The following RABGAP1L variants were observed in gnomAD, a reference collection of about 807,000 sequenced individuals.
RABGAP1L encodes rab GTPase-activating protein 1-like.
In RABGAP1L, 63 loss-of-function variants were observed where a neutral mutation model predicts 137.7. The observed-to-expected ratio is 0.46, with a 90% CI of 0.37 to 0.56. RABGAP1L has a LOEUF of 0.56. Among genes scored for constraint, RABGAP1L ranks in the 20% least tolerant of loss-of-function variants. The pLI is 0.00. For missense variants in RABGAP1L, 1,095 were observed against 1,244.0 expected, an observed-to-expected ratio of 0.88 and a Z score of 1.80; for synonymous variants, 431 against 433.7, an observed-to-expected ratio of 0.99 and a Z score of 0.08.
intron 19 of RABGAP1L, among the ~76,000 whole-genome samples, chr1:174,895,593 T>TC (rs1657011413): frequency 1.4e-5 from 2 of 143,760 alleles, no homozygotes; most frequent in African/African-American, 5.1e-5. Context: ...CCCTCCCCAC[T>TC]CCCCCCACCC....
intron 5 of RABGAP1L, among the ~76,000 whole-genome samples, chr1:174,248,672 T>C (rs1672464593): frequency 6.6e-6 from 1 of 152,178 alleles, no homozygotes; most frequent in South Asian, 2.1e-4. Context: ...TGTGTGCTTG[T>C]ACAAGAAAAA....
At chr1:174,190,172 G>A (rs911550656) in intron 1 of RABGAP1L, among the ~76,000 whole-genome samples, 2 of 151,932 alleles carry the variant, frequency 1.3e-5, no homozygotes, top group African/African-American at 2.4e-5. Flanking sequence ...GCATGGTGGC[G>A]TGCACCTGTA....
intron 13 of RABGAP1L, among the ~76,000 whole-genome samples, chr1:174,472,622 A>T (rs1232370901): frequency 6.6e-6 from 1 of 152,338 alleles, no homozygotes; most frequent in East Asian, 1.9e-4. Flanking sequence ...GATGAGCTTA[A>T]TTACTCAAGT....
chr1:174,480,971 A>G (rs931247240), intron 13 of RABGAP1L, among the ~76,000 whole-genome samples: 12 of 152,138 alleles, frequency 7.9e-5, no homozygotes, highest in Admixed American at 6.5e-5. Flanking sequence ...AGACTCTACT[A>G]ATTTTTAAAG....
intron 14 of RABGAP1L, among the ~76,000 whole-genome samples, chr1:174,642,360 G>A (rs1468775326): frequency 6.6e-6 from 1 of 152,144 alleles, no homozygotes; most frequent in South Asian, 2.1e-4. Context: ...AGCAGTTAAA[G>A]TATTGTTTTG....
At chr1:174,912,665 CTT>C (rs1320426251) in intron 19 of RABGAP1L, among the ~76,000 whole-genome samples, 1 of 152,114 alleles carries the variant, frequency 6.6e-6, no homozygotes, top group African/African-American at 2.4e-5. Context: ...ATTCTGGTCT[CTT>C]TTAGATTGTC....
chr1:174,300,109 C>A (rs1169437328), intron 10 of RABGAP1L, among the ~76,000 whole-genome samples: 3 of 152,134 alleles, frequency 2.0e-5, no homozygotes, highest in African/African-American at 7.2e-5. Flanking sequence ...TATCATTATT[C>A]ACAAAAATAT....
intron 13 of RABGAP1L, among the ~76,000 whole-genome samples, chr1:174,421,978 A>G (rs971744068): frequency 2.0e-5 from 3 of 152,166 alleles, no homozygotes; most frequent in African/African-American, 4.8e-5. Context: ...TATATTGGCC[A>G]GGCTGGTCTT....
At chr1:174,264,731 A>G (rs1673902229) in intron 7 of RABGAP1L, among the ~76,000 whole-genome samples, 1 of 152,066 alleles carries the variant, frequency 6.6e-6, no homozygotes, top group African/African-American at 2.4e-5. Context: ...TATTAGTTCT[A>G]CTTCCAACTA....
At chr1:174,550,893 TATAC>T (rs879450541) in intron 13 of RABGAP1L, among the ~76,000 whole-genome samples, 1,946 of 55,316 alleles carry the variant, frequency 0.035, 26 homozygotes, top group East Asian at 0.13. Flanking sequence ...TATATATATA[TATAC>T]ACACACACAT....
chr1:174,332,444 T>A (rs1681111980), intron 11 of RABGAP1L, among the ~76,000 whole-genome samples: 1 of 152,150 alleles, frequency 6.6e-6, no homozygotes, highest in Admixed American at 6.6e-5. Flanking sequence ...TTGCCAAGGC[T>A]GGAGTGCAGC....
intron 13 of RABGAP1L, among the ~76,000 whole-genome samples, chr1:174,509,111 G>A (rs971855775): frequency 1.3e-5 from 2 of 152,058 alleles, no homozygotes; most frequent in Non-Finnish European, 2.9e-5. Context: ...TCTCAATGTT[G>A]GAGTAAGGTA....
At chr1:174,668,936 A>G (rs1038052509) in intron 14 of RABGAP1L, among the ~76,000 whole-genome samples, 4 of 152,082 alleles carry the variant, frequency 2.6e-5, no homozygotes, top group Non-Finnish European at 4.4e-5. Flanking sequence ...TCTTTTGCTC[A>G]TTTTAAATTG....
chr1:174,372,482 T>C (rs1191697433), intron 12 of RABGAP1L, among the ~76,000 whole-genome samples: 3 of 152,066 alleles, frequency 2.0e-5, no homozygotes, highest in East Asian at 3.8e-4. Flanking sequence ...TGTTATCTGG[T>C]CTAAGTGAAG....
chr1:174,909,657 A>T (rs140449529), intron 19 of RABGAP1L, among the ~76,000 whole-genome samples: 28 of 152,376 alleles, frequency 1.8e-4, no homozygotes, highest in African/African-American at 6.5e-4. Flanking sequence ...ACTGAGAAAA[A>T]AATAGAGAAG....
chr1:174,696,848 A>AT (rs1251735531), intron 15 of RABGAP1L, among the ~76,000 whole-genome samples: 1 of 152,068 alleles, frequency 6.6e-6, no homozygotes, highest in East Asian at 1.9e-4. Flanking sequence ...TGCTCACCTG[A>AT]TTTTTTGTTT....
intron 18 of RABGAP1L, among the ~76,000 whole-genome samples, chr1:174,794,558 G>C (rs1431592596): frequency 6.6e-6 from 1 of 152,190 alleles, no homozygotes; most frequent in African/African-American, 2.4e-5. Context: ...AGAGGGCTAA[G>C]TAACTTATTC....
At chr1:174,890,074 A>G (rs1558195039) in intron 19 of RABGAP1L, among the ~76,000 whole-genome samples, 1 of 152,158 alleles carries the variant, frequency 6.6e-6, no homozygotes, top group Non-Finnish European at 1.5e-5. Context: ...ACAAACGAAC[A>G]AAAAAATGCA....
chr1:174,708,859 G>A (rs1680260241), intron 17 of RABGAP1L, among the ~76,000 whole-genome samples: 1 of 152,218 alleles, frequency 6.6e-6, no homozygotes, highest in African/African-American at 2.4e-5. Context: ...TGAAGCCAGG[G>A]AGTTGAGTGG....
Sources: allele counts gnomAD v4.1 joint callset (sites outside exome capture counted in the v4.1 genomes callset), GRCh38; gene constraint gnomAD v4.1.1; transcripts MANE v1.5; gene names NCBI Gene and HGNC (gene_info 2026-07-23, HGNC 2026-07-21).